SIL1: variants seen among roughly 807,000 people sequenced by gnomAD.
SIL1 encodes nucleotide exchange factor SIL1.
Under a neutral mutation model 49.1 loss-of-function variants are expected in SIL1, and 40 were observed. The observed-to-expected ratio is 0.81, with a 90% CI of 0.63 to 1.06. The LOEUF (loss-of-function observed/expected upper bound fraction) is 1.06, where lower values mean the gene tolerates loss of function less well. Ranked by LOEUF, SIL1 falls within the 50% of genes least tolerant of loss-of-function variation. The pLI, the probability that SIL1 is intolerant of heterozygous loss-of-function variation, is 0.00. For missense variants in SIL1, 500 were observed against 572.6 expected, an observed-to-expected ratio of 0.87 and a Z score of 1.29; for synonymous variants, 253 against 250.8, an observed-to-expected ratio of 1.01 and a Z score of -0.08.
intron 1 of SIL1, among the ~76,000 whole-genome samples, chr5:139,143,227 GTATATACATATATGTA>G (rs1267951985): frequency 7.6e-5 from 10 of 130,900 alleles, no homozygotes; most frequent in South Asian, 2.3e-4. Context: ...ACATATAAAT[GTATATACATATATGTA>G]TATATACATA....
intron 5 of SIL1, among the ~76,000 whole-genome samples, chr5:139,034,794 T>C (rs1039920839): frequency 1.3e-5 from 2 of 152,226 alleles, no homozygotes; most frequent in African/African-American, 2.4e-5. Flanking sequence ...AGTAATGGGA[T>C]TGCTGGGTCA....
At chr5:139,039,069 T>C (rs547190407) in intron 5 of SIL1, among the ~76,000 whole-genome samples, 1 of 152,326 alleles carries the variant, frequency 6.6e-6, no homozygotes, top group South Asian at 2.1e-4. Flanking sequence ...ACTTGGTCTG[T>C]TGGTAATACA....
intron 3 of SIL1, among the ~76,000 whole-genome samples, chr5:139,119,217 C>A (rs1384395277): frequency 1.3e-5 from 2 of 152,216 alleles, no homozygotes. Context: ...ACTCTTGTCA[C>A]ACAGGCTCTG....
At chr5:139,021,055 T>C (rs1768513746) in intron 7 of SIL1, 116 bp downstream of exon 7, 1 of 1,466,696 alleles carries the variant, frequency 6.8e-7, no homozygotes, top group Non-Finnish European at 9.5e-7. Context: ...TTTACTCTAG[T>C]TTCATTGAGA....
At chr5:138,968,908 G>A (rs1017100490) in intron 7 of SIL1, among the ~76,000 whole-genome samples, 2 of 152,026 alleles carry the variant, frequency 1.3e-5, no homozygotes, top group Non-Finnish European at 2.9e-5. Flanking sequence ...CAGACTCCGC[G>A]ACTGCCCTGA....
intron 6 of SIL1, among the ~76,000 whole-genome samples, chr5:139,026,135 C>T (rs1377049120): frequency 6.6e-6 from 1 of 152,218 alleles, no homozygotes; most frequent in African/African-American, 2.4e-5. Context: ...TTACATCACC[C>T]TCTGGAGCCC....
At chr5:139,058,970 A>ATGTGTGTATGTGTGTGTGTGTGTG (rs1554129961) in intron 3 of SIL1, among the ~76,000 whole-genome samples, 10 of 150,338 alleles carry the variant, frequency 6.7e-5, no homozygotes, top group African/African-American at 1.5e-4. Flanking sequence ...AGAAATGTGT[A>ATGTGTGTATGTGTGTGTGTGTGTG]TGTGTGTGTG....
chr5:139,039,497 T>A (rs553441610), intron 5 of SIL1, among the ~76,000 whole-genome samples: 1 of 152,194 alleles, frequency 6.6e-6, no homozygotes, highest in Non-Finnish European at 1.5e-5. Flanking sequence ...CTTTTTAAAA[T>A]CTGCACCAGT....
intron 1 of SIL1, among the ~76,000 whole-genome samples, chr5:139,148,259 G>A (rs1329060492): frequency 1.3e-5 from 2 of 152,150 alleles, no homozygotes; most frequent in African/African-American, 2.4e-5. Context: ...GGGTCAGGGG[G>A]CCCTGCAAGA....
At chr5:139,178,020 A>G (rs1751918555) in intron 1 of SIL1, among the ~76,000 whole-genome samples, 2 of 152,250 alleles carry the variant, frequency 1.3e-5, no homozygotes, top group South Asian at 4.1e-4. Context: ...GGATGGTGAC[A>G]CAGCAGGTTA....
intron 7 of SIL1, among the ~76,000 whole-genome samples, chr5:138,971,707 G>A (rs1767281237): frequency 6.6e-6 from 1 of 152,128 alleles, no homozygotes; most frequent in African/African-American, 2.4e-5. Flanking sequence ...CCTACATCCT[G>A]GAGAGGGAGG....
chr5:138,969,939 C>A (rs1303109229), intron 7 of SIL1, among the ~76,000 whole-genome samples: 1 of 152,208 alleles, frequency 6.6e-6, no homozygotes, highest in African/African-American at 2.4e-5. Flanking sequence ...AGCACCAGCT[C>A]ACACTGGGCA....
intron 3 of SIL1, among the ~76,000 whole-genome samples, chr5:139,070,737 G>A (rs971535628): frequency 3.3e-5 from 5 of 151,960 alleles, no homozygotes; most frequent in Admixed American, 3.3e-4. Flanking sequence ...CTGTGAGTTT[G>A]TAAAGGGAAA....
At chr5:139,018,872 G>A (rs950958144) in intron 7 of SIL1, among the ~76,000 whole-genome samples, 1 of 152,058 alleles carries the variant, frequency 6.6e-6, no homozygotes, top group Non-Finnish European at 1.5e-5. Flanking sequence ...ACCTATTATT[G>A]TTCCCTGTTA....
chr5:139,161,174 C>T (rs1410587933), intron 1 of SIL1, among the ~76,000 whole-genome samples: 4 of 151,962 alleles, frequency 2.6e-5, no homozygotes, highest in East Asian at 2.0e-4. Flanking sequence ...ACCTGGGAGG[C>T]AGAGGTTGCG....
At chr5:138,952,765 A>G (rs1205379804) in intron 7 of SIL1, among the ~76,000 whole-genome samples, 1 of 152,254 alleles carries the variant, frequency 6.6e-6, no homozygotes, top group South Asian at 2.1e-4. Context: ...TTTCAGGCCC[A>G]GACCTCCCAG....
chr5:139,146,498 C>T (rs1159607802), intron 1 of SIL1, among the ~76,000 whole-genome samples: 1 of 152,054 alleles, frequency 6.6e-6, no homozygotes, highest in Non-Finnish European at 1.5e-5. Context: ...GTGGAGGCTG[C>T]AGTTAGTCAT....
At chr5:139,090,185 C>T (rs957014109) in intron 3 of SIL1, among the ~76,000 whole-genome samples, 10 of 152,164 alleles carry the variant, frequency 6.6e-5, no homozygotes, top group African/African-American at 2.4e-4. Context: ...GATTTCTTGG[C>T]AGCACATGAC....
At chr5:138,981,414 A>G (rs1464505278) in intron 7 of SIL1, among the ~76,000 whole-genome samples, 1 of 152,198 alleles carries the variant, frequency 6.6e-6, no homozygotes, top group Non-Finnish European at 1.5e-5. Flanking sequence ...GGAGAATCCA[A>G]CTATGGAGGC....
Sources: gnomAD v4.1 joint callset for allele counts (sites outside exome capture counted in the v4.1 genomes callset) on GRCh38, gnomAD v4.1.1 for gene constraint, MANE v1.5 for transcripts, NCBI Gene and HGNC (gene_info 2026-07-23, HGNC 2026-07-21) for gene names.